Variants in ZBTB5 observed in about 807,000 individuals in gnomAD.
ZBTB5 encodes the protein zinc finger and BTB domain containing 5, also known as zinc finger and BTB domain-containing protein 5.
ZBTB5 carries 15 observed loss-of-function variants against 37.9 expected under a neutral mutation model. The ratio of observed to expected loss-of-function variants is 0.40; its 90% confidence interval spans 0.26 to 0.61. ZBTB5 has a LOEUF of 0.61. Among genes scored for constraint, ZBTB5 ranks in the 20% least tolerant of loss-of-function variants. The probability of loss-of-function intolerance (pLI) is 0.47; values close to 1 mark genes in which losing one functional copy is unlikely to be tolerated. For missense variants in ZBTB5, 708 were observed against 856.8 expected (o/e 0.83, Z 2.17); for synonymous variants, 315 against 312.4 (o/e 1.01, Z -0.09).
At chr9:37,447,855 G>A (rs1236047860) in intron 1 of ZBTB5, among the ~76,000 whole-genome samples, 2 of 150,154 alleles carry the variant, frequency 1.3e-5, no homozygotes, top group African/African-American at 4.9e-5. Context: ...GAGAAAAATG[G>A]CTTACTTAAA....
At chr9:37,453,121 C>G (rs376614753) in intron 1 of ZBTB5, among the ~76,000 whole-genome samples, 4 of 152,314 alleles carry the variant, frequency 2.6e-5, no homozygotes, top group Admixed American at 2.6e-4. Context: ...TGTCCCATAA[C>G]CATTAGGTGA....
At chr9:37,445,336 G>C (rs1823955770) in intron 1 of ZBTB5, among the ~76,000 whole-genome samples, 1 of 152,030 alleles carries the variant, frequency 6.6e-6, no homozygotes, top group South Asian at 2.1e-4. Context: ...TAGTAATTTG[G>C]CATGTTATTT....
intron 1 of ZBTB5, among the ~76,000 whole-genome samples, chr9:37,455,832 A>T (rs1456815148): frequency 6.6e-6 from 1 of 152,148 alleles, no homozygotes; most frequent in African/African-American, 2.4e-5. Context: ...CCACTCAAGT[A>T]GGCTAGGATT....
At chr9:37,454,872 A>G (rs1298502295) in intron 1 of ZBTB5, among the ~76,000 whole-genome samples, 3 of 152,248 alleles carry the variant, frequency 2.0e-5, no homozygotes, top group African/African-American at 7.2e-5. Flanking sequence ...GCAAATTAAC[A>G]TTCTAAGGAA....
At chr9:37,451,408 A>G (rs1003258066) in intron 1 of ZBTB5, among the ~76,000 whole-genome samples, 2 of 152,040 alleles carry the variant, frequency 1.3e-5, no homozygotes, top group Non-Finnish European at 2.9e-5. Flanking sequence ...CTCTACAAAA[A>G]TTAGCTGGGT....
chr9:37,462,921 C>T (rs977353326), intron 1 of ZBTB5, among the ~76,000 whole-genome samples: 9 of 151,994 alleles, frequency 5.9e-5, no homozygotes, highest in Non-Finnish European at 1.3e-4. Flanking sequence ...ATTCTGAGTC[C>T]CTAAGAAGCC....
At position 37,441,059 on chromosome 9, in the gene ZBTB5, CCTT is replaced by C. The variant is rs1335771237; in HGVS notation, c.1490_1492del (p.Gln497_Gly498delinsArg). The stretch of plus-strand genomic sequence containing the variant: ...AAAGTCCATCCCAAACTGTTCTCCT[CCTT>C]GGTAGCCTGAAGTCTGCACACACGG... On this transcript the variant is annotated inframe_deletion, in exon 2 of 2. Coordinates refer to ENST00000307750, the MANE Select transcript of ZBTB5 (RefSeq NM_014872.3). 5.0e-6 allele frequency: 8 copies of C among 1,614,034 alleles called. No individual in the cohort carries two copies. In the Admixed American group the frequency reaches 1.2e-4, roughly 24 times the overall value.
At position 37,442,263 on chromosome 9, in the gene ZBTB5, T is replaced by C; in HGVS notation, c.289A>G (p.Met97Val). 6.2e-7 allele frequency: 1 copy of C among 1,614,214 alleles called. No homozygotes were observed. The highest frequency in any genetic ancestry group is 8.5e-7 in the Non-Finnish European group (1 of 1,180,032). The change falls in exon 2 of 2, where the codon ATG (methionine) becomes GTG (valine). Residue 97 changes from methionine (M) to valine (V), a missense_variant. Met to Val is a conservative substitution (Grantham distance 21). Around this residue, in one of 3 missense-constraint regions of ZBTB5, gnomAD observed 639 missense variants for 690.5 expected, o/e 0.93. Coordinates refer to ENST00000307750, the MANE Select transcript of ZBTB5 (RefSeq NM_014872.3). ...STLMLGESNV[M>V]DVLLAASHLH... is the part of the protein sequence containing the mutation. ...TGAGAGGCTGCCAATAAGACATCCATTACATTGCTCTCCCCCAGCATGAGG... is the reference window on the plus strand; with the variant it reads ...TGAGAGGCTGCCAATAAGACATCCACTACATTGCTCTCCCCCAGCATGAGG...
At position 37,442,193 on chromosome 9, in the gene ZBTB5, G is replaced by C; in HGVS notation, c.359C>G (p.Thr120Arg). 1 of 1,614,234 alleles carries C rather than the reference G, an allele frequency of 6.2e-7. No individual in the cohort carries two copies. The highest frequency in any genetic ancestry group is 1.1e-5 in the South Asian group (1 of 91,088). ...GGGAGACATGGGCAGCGTCCTTGTC[G>C]TTAAGTAATGTTTACATGCCTTAAC... ...SVVKACKHYL[T>R]TRTLPMSPPS... The change falls in exon 2 of 2, where the codon ACG (threonine) becomes AGG (arginine). Residue 120 changes from threonine to arginine, a missense_variant. Around this residue, in one of 3 missense-constraint regions of ZBTB5, gnomAD observed 639 missense variants for 690.5 expected, o/e 0.93. Transcript: ENST00000307750.
At chr9:37,459,610 G>C (rs1824253669) in intron 1 of ZBTB5, among the ~76,000 whole-genome samples, 1 of 150,740 alleles carries the variant, frequency 6.6e-6, no homozygotes, top group African/African-American at 2.4e-5. Flanking sequence ...CTGGAGTGCA[G>C]TGGCACAATC....
In ZBTB5 at chr9:37,441,858, ACTC is replaced by A. The variant is rs1823885558; in HGVS notation, c.691_693del (p.Glu231del). ...ATTTTCAGAGAATCTGGTGAAAAGA[ACTC>A]CTCCCGAGAATGAACCCCTGAAGGC... On this transcript the variant is annotated inframe_deletion, in exon 2 of 2. Coordinates refer to ENST00000307750, the MANE Select transcript of ZBTB5 (RefSeq NM_014872.3). 2 of 1,613,926 alleles carry A rather than the reference ACTC, an allele frequency of 1.2e-6. No individual in the cohort carries two copies. The highest frequency in any genetic ancestry group is 2.2e-5 in the East Asian group (1 of 44,848).
rs1240177025 is a variant in ZBTB5 at position 37,444,482 on chromosome 9, G to A, written c.-4-1927C>T. Among the ~76,000 whole-genome samples, 6 of 152,188 alleles carry A rather than the reference G, an allele frequency of 3.9e-5. No homozygotes were observed. The East Asian group carries it at 1.2e-3, about 29-fold the overall frequency. ...CCCAAAGTGCTGGGATTACAGGCAT[G>A]AGCCACTGCGCCCGGCCAAGAAATG... On this transcript the variant is annotated intron_variant, in intron 1 of 1. Transcript: ENST00000307750.
At chr9:37,458,595 G>A (rs575052649) in intron 1 of ZBTB5, among the ~76,000 whole-genome samples, 2 of 152,324 alleles carry the variant, frequency 1.3e-5, no homozygotes, top group East Asian at 3.9e-4. Context: ...TGAGAATTCA[G>A]GTGAAAATTA....
Position 37,460,602 on chromosome 9 carries a change from A to G in ZBTB5, c.-5+4613T>C, listed in dbSNP as rs145163869. ...AGCTGGGTGCTGGGCATGGTGGCTC[A>G]CGCCTATAATCTCAACATGTTGGGA... is the stretch of plus-strand genomic sequence containing the variant. On this transcript the variant is annotated intron_variant, in intron 1 of 1. Coordinates refer to ENST00000307750, the MANE Select transcript of ZBTB5 (RefSeq NM_014872.3). Among the ~76,000 whole-genome samples, 295 of 152,336 alleles carry G rather than the reference A, an allele frequency of 1.9e-3. 2 individuals carry two copies. The highest frequency in any genetic ancestry group is 6.8e-3 in the African/African-American group (281 of 41,584).
Position 37,439,269 on chromosome 9 carries a change from G to C in ZBTB5, c.*1249C>G, listed in dbSNP as rs1330670787. The C allele has an allele frequency of 6.6e-6, 1 of 152,194 alleles. No homozygotes were observed. The allele number at this position is 152,194 out of a possible 1,614,324, so 9.4% of individuals were successfully genotyped here. On this transcript the variant is annotated 3_prime_UTR_variant, in exon 2 of 2. Transcript: ENST00000307750. ...GAAGTGAGGCTGTAGGGCCCAGAGA[G>C]GCCCTAGTGCCTCCAACAGTCTCAG...
At chr9:37,444,169 T>C (rs1564310652) in intron 1 of ZBTB5, among the ~76,000 whole-genome samples, 1 of 152,136 alleles carries the variant, frequency 6.6e-6, no homozygotes, top group African/African-American at 2.4e-5. Flanking sequence ...AAAGGAAGAA[T>C]ACAGAGGGTG....
At position 37,460,466 on chromosome 9, in the gene ZBTB5, G is replaced by T. The variant is rs140757647; in HGVS notation, c.-5+4749C>A. ...CCAAAAAAATTAGGCCAGATGCGGG[G>T]CTCACACCTGTAATCCCAGTACTTT... is the stretch of plus-strand genomic sequence containing the variant. On this transcript the variant is annotated intron_variant, in intron 1 of 1. Coordinates refer to ENST00000307750, the MANE Select transcript of ZBTB5 (RefSeq NM_014872.3). Among the ~76,000 whole-genome samples the T allele has an allele frequency of 3.7e-3, 560 of 152,326 alleles. 2 individuals are homozygous for T. The highest frequency in any genetic ancestry group is 6.4e-3 in the Non-Finnish European group (436 of 68,026).
chr9:37,460,085 C>G (rs931419089), intron 1 of ZBTB5, among the ~76,000 whole-genome samples: 2 of 151,500 alleles, frequency 1.3e-5, no homozygotes, highest in Non-Finnish European at 2.9e-5. Context: ...ACCTTGTGAT[C>G]TGCCTACCTC....
Position 37,441,776 on chromosome 9 carries a change from A to G in ZBTB5, c.776T>C (p.Met259Thr), listed in dbSNP as rs772604260. ...MTDNQEDSAIMFDQSFGTQED... is the reference protein window; with the variant it reads ...MTDNQEDSAITFDQSFGTQED... Reference sequence around the variant, plus strand: ...TTGAGTGCCAAAAGACTGATCAAACATGATCGCACTATCTTCCTGGTTATC... The same window carrying G: ...TTGAGTGCCAAAAGACTGATCAAACGTGATCGCACTATCTTCCTGGTTATC... The change falls in exon 2 of 2, where the codon ATG becomes ACG. Residue 259 changes from methionine to threonine, a missense_variant. By Grantham distance (81) the Met-to-Thr change is moderately conservative. Coordinates refer to ENST00000307750, the MANE Select transcript of ZBTB5 (RefSeq NM_014872.3). 3 of 1,613,874 alleles carry G rather than the reference A, an allele frequency of 1.9e-6. No individual in the cohort carries two copies. The highest frequency in any genetic ancestry group is 2.5e-6 in the Non-Finnish European group (3 of 1,179,994).
Sources: gnomAD v4.1 joint callset for allele counts (sites outside exome capture counted in the v4.1 genomes callset) on GRCh38, gnomAD v4.1.1 for gene constraint, gnomAD v4.1.1 regional missense constraint, MANE v1.5 for transcripts, NCBI Gene and HGNC (gene_info 2026-07-23, HGNC 2026-07-21) for gene names.